MALRD1: variants seen among roughly 807,000 people sequenced by gnomAD.
MALRD1 encodes the protein MAM and LDL-receptor class A domain-containing protein 1.
In MALRD1, 247 loss-of-function variants were observed where a neutral mutation model predicts 242.1. The observed-to-expected ratio is 1.02, with a 90% confidence interval of 0.92 to 1.13. The LOEUF is 1.13. Ranked by LOEUF, MALRD1 falls within the 50% of genes most tolerant of loss-of-function variation. The probability of loss-of-function intolerance (pLI) is 0.00; values close to 1 mark genes in which losing one functional copy is unlikely to be tolerated. For synonymous variants in MALRD1, 995 were observed against 866.6 expected, an observed-to-expected ratio of 1.15 and a Z score of -2.60; for missense variants, 2,989 against 2,533.1, an observed-to-expected ratio of 1.18 and a Z score of -3.86.
At chr10:19,143,501 G>T (rs570125502) in intron 10 of MALRD1, among the ~76,000 whole-genome samples, 21 of 152,256 alleles carry the variant, frequency 1.4e-4, no homozygotes, top group Non-Finnish European at 2.6e-4. Context: ...GTGCAATATT[G>T]AGTTTATTAC....
chr10:19,468,752 T>G lies in MALRD1; in HGVS notation c.5029+18262T>G, dbSNP rs549885697. Among the ~76,000 whole-genome samples, 3 of 152,180 alleles carry G rather than the reference T, an allele frequency of 2.0e-5. No individual in the cohort carries two copies. In the East Asian group the frequency reaches 5.8e-4, roughly 29 times the overall value. On this transcript the variant is annotated intron_variant, in intron 29 of 39. Transcript: ENST00000454679. ...CTGAAAGACTCTGTATCTCTAGTCT[T>G]TACAAGATCCCAGAAAACCCATTTC...
intron 21 of MALRD1, among the ~76,000 whole-genome samples, chr10:19,284,720 A>G (rs1198513821): frequency 1.1e-5 from 1 of 93,036 alleles, no homozygotes; most frequent in Admixed American, 1.3e-4. Context: ...ATACGTGTGC[A>G]TGTGTCTTTA....
chr10:19,455,888 G>A (rs191710634), intron 29 of MALRD1, among the ~76,000 whole-genome samples: 2 of 152,036 alleles, frequency 1.3e-5, no homozygotes, highest in Non-Finnish European at 2.9e-5. Flanking sequence ...TCCCTTTTCA[G>A]TGCCTCTTTC....
At position 19,205,178 on chromosome 10, in the gene MALRD1, T is replaced by G; in HGVS notation, c.2491T>G (p.Cys831Gly). 6.4e-7 allele frequency: 1 copy of G among 1,551,022 alleles called. No individual in the cohort carries two copies. The highest frequency in any genetic ancestry group is 8.7e-7 in the Non-Finnish European group (1 of 1,147,070). ...CTGTGAAGGGCTGGATCATTTCTGGTGTCGCCACACCAGGGCTTGCATAGA... is the reference window on the plus strand; with the variant it reads ...CTGTGAAGGGCTGGATCATTTCTGGGGTCGCCACACCAGGGCTTGCATAGA... ...ESCEGLDHFW[C>G]RHTRACIEKL... Residue 831 changes from cysteine to glycine, a missense_variant, in exon 17 of 40, where the codon TGT (cysteine) becomes GGT (glycine). Transcript: ENST00000454679.
At chr10:19,654,231 G>A (rs1564518428) in intron 36 of MALRD1, among the ~76,000 whole-genome samples, 1 of 121,136 alleles carries the variant, frequency 8.3e-6, no homozygotes, top group Non-Finnish European at 2.0e-5. Flanking sequence ...CACATTTGAT[G>A]GATAAAAGAC....
intron 38 of MALRD1, among the ~76,000 whole-genome samples, chr10:19,702,261 A>G (rs1299603669): frequency 6.6e-6 from 1 of 152,186 alleles, no homozygotes; most frequent in Non-Finnish European, 1.5e-5. Context: ...AGCAAGTTTA[A>G]TTTTTCACTG....
At chr10:19,698,202 A>G (rs1833461974) in intron 38 of MALRD1, among the ~76,000 whole-genome samples, 1 of 152,212 alleles carries the variant, frequency 6.6e-6, no homozygotes, top group Non-Finnish European at 1.5e-5. Flanking sequence ...CTGAGGAATA[A>G]AGGGTACCAT....
At position 19,698,631 on chromosome 10, in the gene MALRD1, A is replaced by G. The variant is rs376541926; in HGVS notation, c.6314+6077A>G. Among the ~76,000 whole-genome samples, 144 of 152,290 alleles carry G rather than the reference A, an allele frequency of 9.5e-4. 2 individuals are homozygous for G. In the South Asian group the frequency reaches 0.03, roughly 31 times the overall value. On this transcript the variant is annotated intron_variant, in intron 38 of 39. Coordinates refer to ENST00000454679, the MANE Select transcript of MALRD1 (RefSeq NM_001142308.3). The stretch of plus-strand genomic sequence containing the variant: ...GATACCATCACCAGCACTACCCAAA[A>G]CCAATGATGGAAAGACTCCAAAAGA...
chr10:19,227,929 C>G (rs181210683), intron 18 of MALRD1, among the ~76,000 whole-genome samples: 46 of 152,192 alleles, frequency 3.0e-4, no homozygotes, highest in Admixed American at 5.2e-4. Context: ...CACTGTACAC[C>G]CACTGGAGTG....
intron 32 of MALRD1, among the ~76,000 whole-genome samples, chr10:19,534,840 GATAT>G (rs566101560): frequency 6.6e-6 from 1 of 151,330 alleles, no homozygotes; most frequent in Non-Finnish European, 1.5e-5. Flanking sequence ...AATAAAGATA[GATAT>G]ATATATGCTA....
In MALRD1 at chr10:19,087,392, A is replaced by G. The variant is rs190950414; in HGVS notation, c.341-448A>G. Among the ~76,000 whole-genome samples the G allele has an allele frequency of 6.2e-4, 94 of 152,184 alleles. 4 individuals are homozygous for G. The East Asian group carries it at 0.016, about 26-fold the overall frequency. ...CACTGGGCAACATAAGGAAGTAAAAATATCAGATGGTTTGCAAAAGTAAAT... is the reference window on the plus strand; with the variant it reads ...CACTGGGCAACATAAGGAAGTAAAAGTATCAGATGGTTTGCAAAAGTAAAT... On this transcript the variant is annotated intron_variant, in intron 2 of 39. Coordinates refer to ENST00000454679, the MANE Select transcript of MALRD1 (RefSeq NM_001142308.3).
intron 36 of MALRD1, among the ~76,000 whole-genome samples, chr10:19,630,253 T>C (rs1242293392): frequency 1.3e-5 from 2 of 152,208 alleles, no homozygotes; most frequent in African/African-American, 2.4e-5. Flanking sequence ...TTAGAGTTTT[T>C]ATATATGGTT....
Position 19,234,095 on chromosome 10 carries a change from C to G in MALRD1, c.2992-23589C>G, listed in dbSNP as rs189336784. The stretch of plus-strand genomic sequence containing the variant: ...AGTATCAAGACAGGAGTTAGAATAC[C>G]TGGATTCTAAAATTTAAATTAAATT... On this transcript the variant is annotated intron_variant, in intron 18 of 39. Transcript: ENST00000454679. Among the ~76,000 whole-genome samples the G allele has an allele frequency of 1.3e-5, 2 of 151,856 alleles. 1 individual carries two copies. The highest frequency in any genetic ancestry group is 3.9e-4 in the East Asian group (2 of 5,160).
chr10:19,636,573 A>T (rs556718243), intron 36 of MALRD1, among the ~76,000 whole-genome samples: 1 of 152,272 alleles, frequency 6.6e-6, no homozygotes, highest in African/African-American at 2.4e-5. Context: ...AAATTACAAG[A>T]AAAATACATT....
intron 5 of MALRD1, among the ~76,000 whole-genome samples, chr10:19,113,681 T>C (rs928834381): frequency 5.3e-5 from 8 of 151,882 alleles, no homozygotes; most frequent in African/African-American, 1.9e-4. Context: ...TGATATGTCC[T>C]TCCACCATTT....
At chr10:19,290,948 A>C (rs997463715) in intron 21 of MALRD1, among the ~76,000 whole-genome samples, 6 of 152,138 alleles carry the variant, frequency 3.9e-5, no homozygotes, top group Non-Finnish European at 8.8e-5. Flanking sequence ...CTCTTAGCCC[A>C]GGCAGTGTTT....
intron 28 of MALRD1, among the ~76,000 whole-genome samples, chr10:19,431,667 A>G (rs934761213): frequency 2.0e-5 from 3 of 152,162 alleles, no homozygotes; most frequent in Non-Finnish European, 4.4e-5. Flanking sequence ...CTTGGCTTGG[A>G]ATTTGTTGTT....
chr10:19,480,663 G>A (rs1231791512), intron 29 of MALRD1, among the ~76,000 whole-genome samples: 2 of 152,296 alleles, frequency 1.3e-5, no homozygotes, highest in East Asian at 3.9e-4. Context: ...TTGCTAAGAG[G>A]CAAGGAGTGA....
intron 34 of MALRD1, among the ~76,000 whole-genome samples, chr10:19,602,468 A>G (rs941762019): frequency 1.9e-4 from 28 of 150,120 alleles, no homozygotes; most frequent in African/African-American, 5.4e-4. Flanking sequence ...TCCTTGCGAT[A>G]GTTTGCTGAG....
Sources: gnomAD v4.1 joint callset for allele counts (sites outside exome capture counted in the v4.1 genomes callset) on GRCh38, gnomAD v4.1.1 for gene constraint, MANE v1.5 for transcripts, NCBI Gene and HGNC (gene_info 2026-07-23, HGNC 2026-07-21) for gene names.